The following EPB41L4A variants were observed in gnomAD, a reference collection of about 807,000 sequenced individuals.
EPB41L4A encodes erythrocyte membrane protein band 4.1 like 4A, also known as band 4.1-like protein 4A.
Under a neutral mutation model 108.6 loss-of-function variants are expected in EPB41L4A, and 100 were observed. The observed-to-expected ratio is 0.92, with a 90% confidence interval of 0.78 to 1.09. The LOEUF (loss-of-function observed/expected upper bound fraction) is 1.09. Ranked by LOEUF, EPB41L4A falls within the 50% of genes least tolerant of loss-of-function variation. The pLI, the probability that EPB41L4A is intolerant of heterozygous loss-of-function variation, is 0.00. For synonymous variants in EPB41L4A, 319 were observed against 289.0 expected, an observed-to-expected ratio of 1.10 and a Z score of -1.05; for missense variants, 1,030 against 842.7, an observed-to-expected ratio of 1.22 and a Z score of -2.75.
chr5:112,143,758 T>C (rs985546371), exon 14 of EPB41L4A: 10 of 380,926 alleles, frequency 2.6e-5, no homozygotes, highest in African/African-American at 2.1e-4. Context: ...AGGGCTCCAA[T>C]TGGCCCAGCT....
At chr5:112,310,697 A>C (rs984375629) in intron 1 of EPB41L4A, among the ~76,000 whole-genome samples, 2 of 152,162 alleles carry the variant, frequency 1.3e-5, no homozygotes, top group Non-Finnish European at 1.5e-5. Flanking sequence ...TTCTAATGCC[A>C]AATCTTCTTA....
Position 112,195,708 on chromosome 5 carries a change from C to T in EPB41L4A, c.1377G>A (p.Arg459=). 1.9e-6 allele frequency: 3 copies of T among 1,612,294 alleles called. No individual in the cohort carries two copies. The highest frequency in any genetic ancestry group is 1.7e-6 in the Non-Finnish European group (2 of 1,179,496). Residue 459 remains arginine (R), a splice_region_variant and synonymous_variant, in exon 16 of 23, where the codon AGG becomes AGA. Coordinates refer to ENST00000261486, the MANE Select transcript of EPB41L4A (RefSeq NM_022140.5). ...DNDSVQPVRR[R]KAHNSGEDSD... ...AATCTTCACCACTGTTATGGGCTTT[C>T]CTGTGAAAACAAATGAAGACATTTA...
intron 4 of EPB41L4A, among the ~76,000 whole-genome samples, chr5:112,268,106 G>A (rs1356004126): frequency 1.3e-5 from 2 of 152,230 alleles, no homozygotes; most frequent in Non-Finnish European, 2.9e-5. Context: ...ACAAGAGTGG[G>A]CATGGTGGCT....
chr5:112,178,243 T>C (rs76872454), intron 18 of EPB41L4A, among the ~76,000 whole-genome samples: 4,988 of 152,146 alleles, frequency 0.033, 313 homozygotes, highest in African/African-American at 0.11. Flanking sequence ...GGTCATCAGT[T>C]CATCAGGAAG....
At chr5:112,175,273 A>C (rs941587414) in intron 18 of EPB41L4A, 2 of 152,224 alleles carry the variant, frequency 1.3e-5, no homozygotes, top group African/African-American at 4.8e-5. Flanking sequence ...CCACTGAGTA[A>C]AGGTTCACCC....
chr5:112,277,576 C>A (rs137935359), intron 3 of EPB41L4A, among the ~76,000 whole-genome samples: 103 of 152,190 alleles, frequency 6.8e-4, no homozygotes, highest in South Asian at 1.0e-3. Context: ...CATTAAACTC[C>A]AAGGAGTTAA....
intron 1 of EPB41L4A, among the ~76,000 whole-genome samples, chr5:112,402,537 A>T (rs1761833146): frequency 6.6e-6 from 1 of 152,148 alleles, no homozygotes; most frequent in Non-Finnish European, 1.5e-5. Context: ...CATATACTAA[A>T]ATTGGAATAT....
intron 12 of EPB41L4A, among the ~76,000 whole-genome samples, chr5:112,210,406 A>T (rs1762680069): frequency 6.6e-6 from 1 of 152,202 alleles, no homozygotes; most frequent in South Asian, 2.1e-4. Flanking sequence ...ACCAAACAAA[A>T]AACTTCAAAC....
chr5:112,336,534 TG>T (rs1756933400), intron 1 of EPB41L4A, among the ~76,000 whole-genome samples: 2 of 152,212 alleles, frequency 1.3e-5, no homozygotes, highest in Non-Finnish European at 2.9e-5. Flanking sequence ...TCATTAGAGC[TG>T]TTCGCCAAAT....
chr5:112,403,516 C>T (rs1042850246), intron 1 of EPB41L4A, among the ~76,000 whole-genome samples: 3 of 152,192 alleles, frequency 2.0e-5, no homozygotes, highest in South Asian at 4.1e-4. Context: ...CTCACTCTGT[C>T]ACCCAGCCTG....
chr5:112,185,300 G>C (rs142054600), intron 17 of EPB41L4A, among the ~76,000 whole-genome samples: 1 of 152,184 alleles, frequency 6.6e-6, no homozygotes, highest in Admixed American at 6.5e-5. Context: ...AGGCTTGGAG[G>C]CATTTCCTTC....
chr5:112,240,879 G>A, intron 9 of EPB41L4A, 69 bp from the exon 10 acceptor site: 3 of 913,398 alleles, frequency 3.3e-6, no homozygotes, highest in Non-Finnish European at 5.1e-6. Context: ...TCAAATAACA[G>A]CCCCCTTTAA....
intron 9 of EPB41L4A, among the ~76,000 whole-genome samples, chr5:112,258,312 A>C (rs1751251183): frequency 6.6e-6 from 1 of 152,158 alleles, no homozygotes; most frequent in Non-Finnish European, 1.5e-5. Flanking sequence ...CCATACCCCA[A>C]ATGTAGCTGC....
At chr5:112,397,342 C>A (rs1266208022) in intron 1 of EPB41L4A, among the ~76,000 whole-genome samples, 1 of 152,078 alleles carries the variant, frequency 6.6e-6, no homozygotes, top group African/African-American at 2.4e-5. Context: ...AGAACAGAAA[C>A]AATGATTTTT....
At chr5:112,267,899 A>T (rs183310087) in intron 4 of EPB41L4A, among the ~76,000 whole-genome samples, 3 of 152,144 alleles carry the variant, frequency 2.0e-5, no homozygotes, top group Admixed American at 2.0e-4. Context: ...TTCTTGGGTC[A>T]CTTCTTGCTG....
intron 1 of EPB41L4A, among the ~76,000 whole-genome samples, chr5:112,357,043 C>A (rs1758402295): frequency 6.6e-6 from 1 of 152,128 alleles, no homozygotes; most frequent in South Asian, 2.1e-4. Context: ...GGGCCCAGAG[C>A]GAGAGATGGT....
intron 1 of EPB41L4A, among the ~76,000 whole-genome samples, chr5:112,333,312 G>C (rs990834199): frequency 2.0e-5 from 3 of 151,982 alleles, no homozygotes; most frequent in Middle Eastern, 3.4e-3. Context: ...GTCAAAAAGG[G>C]GGGAAGGGAA....
At chr5:112,161,729 A>G (rs886943722), downstream of EPB41L4A, 1 of 455,332 alleles carries the variant, frequency 2.2e-6, no homozygotes, top group Non-Finnish European at 4.4e-6. Context: ...TGAAGTGTAG[A>G]CTGCTGCTAG....
At chr5:112,237,443 C>A (rs1413998635) in intron 11 of EPB41L4A, among the ~76,000 whole-genome samples, 1 of 152,134 alleles carries the variant, frequency 6.6e-6, no homozygotes, top group Non-Finnish European at 1.5e-5. Flanking sequence ...TCTTGTCTTC[C>A]TCCATCACAT....
Sources: allele counts gnomAD v4.1 joint callset (sites outside exome capture counted in the v4.1 genomes callset), GRCh38; gene constraint gnomAD v4.1.1; transcripts MANE v1.5; gene names NCBI Gene and HGNC (gene_info 2026-07-23, HGNC 2026-07-21).